The following ODAD2 variants were observed in gnomAD, a reference collection of about 807,000 sequenced individuals.
The protein encoded by ODAD2 is outer dynein arm-docking complex subunit 2.
A neutral mutation model predicts 106.8 loss-of-function variants in ODAD2; 89 were observed. That is an observed-to-expected ratio of 0.83 (90% CI 0.70 to 0.99). ODAD2 has a LOEUF of 0.99. Among genes scored for constraint, ODAD2 ranks in the 50% least tolerant of loss-of-function variants. The pLI, the probability that ODAD2 is intolerant of heterozygous loss-of-function variation, is 0.00. For synonymous variants in ODAD2, 404 were observed against 436.2 expected (o/e 0.93, Z 0.92); for missense variants, 1,168 against 1,238.5 (o/e 0.94, Z 0.85).
In ODAD2 at chr10:27,944,973, G is replaced by T; in HGVS notation, c.1387-11C>A. 1 of 1,613,676 alleles carries T rather than the reference G, an allele frequency of 6.2e-7. No individual in the cohort carries two copies. Among genetic ancestry groups the T allele is most frequent in the Non-Finnish European group, 8.5e-7 (1 of 1,179,688 alleles). ...TGTTTGATTTCCTCCCTACAAAGAT[G>T]CAATGCCAGAGAAAGGTTAAGGAAC... On this transcript the variant is annotated splice_polypyrimidine_tract_variant and intron_variant, in intron 10 of 19. Transcript: ENST00000305242.
At chr10:27,921,507 T>C (rs375749098) in intron 16 of ODAD2, among the ~76,000 whole-genome samples, 4 of 150,234 alleles carry the variant, frequency 2.7e-5, no homozygotes, top group African/African-American at 1.0e-4. Flanking sequence ...TGAAGATCCA[T>C]GAATTCCAGT....
chr10:27,941,596 G>GTTT (rs371752746), intron 12 of ODAD2, among the ~76,000 whole-genome samples: 31,471 of 114,420 alleles, frequency 0.28, 4,863 homozygotes, highest in Middle Eastern at 0.4. Context: ...CCAGCATCCA[G>GTTT]TTTTTTTTTT....
chr10:27,975,001 T>C (rs1478079945), intron 7 of ODAD2, among the ~76,000 whole-genome samples: 1 of 152,218 alleles, frequency 6.6e-6, no homozygotes, highest in African/African-American at 2.4e-5. Flanking sequence ...TTTGTGATAA[T>C]TGTGAATGGG....
intron 18 of ODAD2, among the ~76,000 whole-genome samples, chr10:27,861,148 C>T (rs887894678): frequency 2.0e-5 from 3 of 152,150 alleles, no homozygotes; most frequent in Non-Finnish European, 4.4e-5. Flanking sequence ...CCCGCCACCA[C>T]ACCTGGCTAA....
chr10:27,957,416 G>A (rs1847810838), intron 10 of ODAD2: 2 of 152,158 alleles, frequency 1.3e-5, no homozygotes, highest in Non-Finnish European at 2.9e-5. Flanking sequence ...GATGCCCTGC[G>A]AGATACAGCA....
At chr10:27,867,699 C>A (rs542289707) in intron 17 of ODAD2, among the ~76,000 whole-genome samples, 20 of 152,256 alleles carry the variant, frequency 1.3e-4, no homozygotes, top group Admixed American at 1.2e-3. Flanking sequence ...CCTGTAATCT[C>A]AGCACTTTGG....
chr10:27,871,182 G>A (rs1323211565), intron 17 of ODAD2, among the ~76,000 whole-genome samples: 3 of 151,978 alleles, frequency 2.0e-5, no homozygotes, highest in Admixed American at 6.6e-5. Context: ...CATATCCTTT[G>A]TTCACTTTTT....
At chr10:27,971,012 AAAC>A (rs1181473963) in intron 8 of ODAD2, 93 bp downstream of exon 8, 4 of 313,138 alleles carry the variant, frequency 1.3e-5, no homozygotes, top group Non-Finnish European at 2.0e-5. Flanking sequence ...ATAAATAAAC[AAAC>A]AAACAAAATA....
At chr10:27,912,867 T>C (rs1844106254) in intron 16 of ODAD2, among the ~76,000 whole-genome samples, 1 of 152,120 alleles carries the variant, frequency 6.6e-6, no homozygotes, top group African/African-American at 2.4e-5. Flanking sequence ...GAAAAACAGA[T>C]TAGAAGAGAA....
chr10:27,835,786 A>G (rs1025998820), intron 19 of ODAD2, among the ~76,000 whole-genome samples: 3 of 152,094 alleles, frequency 2.0e-5, no homozygotes, highest in Admixed American at 1.3e-4. Context: ...TTAGCTGGGC[A>G]TGGTGGCAGG....
chr10:27,813,111 G>A (rs1290153838), intron 19 of ODAD2, among the ~76,000 whole-genome samples: 1 of 152,132 alleles, frequency 6.6e-6, no homozygotes, highest in African/African-American at 2.4e-5. Flanking sequence ...AAGGGTTTGT[G>A]CACTCTGGCC....
intron 19 of ODAD2, among the ~76,000 whole-genome samples, chr10:27,859,056 C>CTTT (rs10677175): frequency 2.1e-4 from 32 of 149,540 alleles, no homozygotes; most frequent in South Asian, 4.2e-4. Flanking sequence ...TTTATAGTTT[C>CTTT]TTTTTTTTTT....
At chr10:27,885,797 T>C (rs1472849519) in intron 17 of ODAD2, among the ~76,000 whole-genome samples, 1 of 85,668 alleles carries the variant, frequency 1.2e-5, no homozygotes, top group Non-Finnish European at 2.1e-5. Flanking sequence ...ATATATAATA[T>C]ATATAAAATA....
intron 17 of ODAD2, among the ~76,000 whole-genome samples, chr10:27,882,770 A>G (rs1264339631): frequency 6.6e-6 from 1 of 152,116 alleles, no homozygotes; most frequent in Non-Finnish European, 1.5e-5. Flanking sequence ...ATAGGTTTGG[A>G]GCCCCACAAA....
At chr10:27,851,399 G>GT (rs1398325094) in intron 19 of ODAD2, among the ~76,000 whole-genome samples, 1 of 152,008 alleles carries the variant, frequency 6.6e-6, no homozygotes, top group East Asian at 1.9e-4. Flanking sequence ...CACTCAACAT[G>GT]TTAACATTCA....
At chr10:27,898,118 G>C (rs902898199) in intron 17 of ODAD2, among the ~76,000 whole-genome samples, 3 of 151,866 alleles carry the variant, frequency 2.0e-5, no homozygotes, top group Admixed American at 1.3e-4. Flanking sequence ...CTATCAAAAT[G>C]GCAACTCACC....
At chr10:27,934,362 G>GTAAAGATATATATCTTTATAAAATA (rs1197423106) in intron 16 of ODAD2, among the ~76,000 whole-genome samples, 1 of 151,042 alleles carries the variant, frequency 6.6e-6, no homozygotes, top group East Asian at 1.9e-4. Flanking sequence ...CTTTGTTGGA[G>GTAAAGATATATATCTTTATAAAATA]TAAAGATATA....
In ODAD2 at chr10:27,895,041, G is replaced by GA. The variant is rs367930896; in HGVS notation, c.2610+12621dup. Among the ~76,000 whole-genome samples, 144 of 136,294 alleles carry GA rather than the reference G, an allele frequency of 1.1e-3. 2 individuals carry two copies. The highest frequency in any genetic ancestry group is 1.9e-3 in the African/African-American group (68 of 36,454). 89.4% of individuals were successfully genotyped at this position (136,294 alleles called of 152,430 possible). A position where few individuals can be genotyped will look rare whatever the true frequency, so the allele number is the denominator to read the frequency against. ...AGAGAGACTCACTAGTCATCGGTAC[G>GA]AAAAAAAAAAAAAACTGTTAGCTCT... On this transcript the variant is annotated intron_variant, in intron 17 of 19. Coordinates refer to ENST00000305242, the MANE Select transcript of ODAD2 (RefSeq NM_018076.5).
chr10:27,968,923 C>A lies in ODAD2; in HGVS notation c.1238G>T (p.Arg413Leu). Residue 413 changes from arginine to leucine, a missense_variant and splice_region_variant, in exon 9 of 20, where the codon CGG (arginine) becomes CTG (leucine). Around this residue, in one of 3 missense-constraint regions of ODAD2, gnomAD observed 37 missense variants for 74.1 expected, o/e 0.50. Transcript: ENST00000305242. ...CTCGTCTTGCTGACCAGAAACATAC[C>A]GAAGTAATTGTGCTCTTCCGTGTGA... ...SVSHGRAQLL[R>L]KSAEKIEETV... 1.6e-6 allele frequency: 1 copy of A among 606,106 alleles called. No individual in the cohort carries two copies. Among genetic ancestry groups the A allele is most frequent in the Non-Finnish European group, 2.9e-6 (1 of 342,094 alleles). The allele number at this position is 606,106 out of a possible 1,614,324, so 37.5% of individuals were successfully genotyped here.
Sources: gnomAD v4.1 joint callset for allele counts (sites outside exome capture counted in the v4.1 genomes callset) on GRCh38, gnomAD v4.1.1 for gene constraint, gnomAD v4.1.1 regional missense constraint, MANE v1.5 for transcripts, NCBI Gene and HGNC (gene_info 2026-07-23, HGNC 2026-07-21) for gene names.